The following MOSPD2 variants were observed in gnomAD, a reference collection of about 807,000 sequenced individuals.
The protein encoded by MOSPD2 is motile sperm domain-containing protein 2.
A neutral mutation model predicts 41.7 loss-of-function variants in MOSPD2; 5 were observed. The ratio of observed to expected loss-of-function variants is 0.12; its 90% confidence interval spans 0.06 to 0.25. The LOEUF is 0.25. Among genes scored for constraint, MOSPD2 ranks in the 10% least tolerant of loss-of-function variants. The pLI is 1.00. For missense variants in MOSPD2, 282 were observed against 375.2 expected, an observed-to-expected ratio of 0.75 and a Z score of 2.05; for synonymous variants, 115 against 126.9, an observed-to-expected ratio of 0.91 and a Z score of 0.63.
chrX:14,889,127 C>T (rs1051951510), intron 2 of MOSPD2, among the ~76,000 whole-genome samples: 5 of 111,018 alleles, frequency 4.5e-5, no homozygotes, highest in African/African-American at 1.3e-4. Context: ...AGGACACTGC[C>T]GCATGAAGCC....
intron 7 of MOSPD2, 103 bp from the exon 8 acceptor site, chrX:14,908,757 T>C: frequency 1.3e-6 from 1 of 766,118 alleles, no homozygotes; most frequent in Non-Finnish European, 1.8e-6. Flanking sequence ...ATTAACAGAT[T>C]ATAGCCCAAA....
rs188741781 is a variant in MOSPD2 at position 14,920,284 on chromosome X, C to T, written c.*475C>T. ...AGAACATGTATATTGAGAAAGAAAA[C>T]ATACTTATATAGAGGAATTTATGTA... On this transcript the variant is annotated 3_prime_UTR_variant, in exon 15 of 15. Coordinates refer to ENST00000380492, the MANE Select transcript of MOSPD2 (RefSeq NM_152581.4). 51 of 745,822 alleles carry T rather than the reference C, an allele frequency of 6.8e-5. No homozygotes were observed. The African/African-American group carries it at 1.1e-3, about 16-fold the overall frequency. The allele number at this position is 745,822 out of a possible 1,213,427, so 61.5% of individuals were successfully genotyped here. A position where few individuals can be genotyped will look rare whatever the true frequency, so the allele number is the denominator to read the frequency against.
At chrX:14,875,666 G>T (rs1027274910) in intron 2 of MOSPD2, among the ~76,000 whole-genome samples, 9 of 111,894 alleles carry the variant, frequency 8.0e-5, no homozygotes, top group Admixed American at 4.7e-4. Context: ...ACACTGCCTT[G>T]TGTTCCTCAA....
chrX:14,917,036 T>C (rs1021140919), intron 13 of MOSPD2, among the ~76,000 whole-genome samples: 2 of 112,460 alleles, frequency 1.8e-5, no homozygotes, highest in African/African-American at 6.5e-5. Context: ...TGTCAATGTC[T>C]GGAGACACTT....
At chrX:14,899,428 T>A (rs2092568627) in intron 5 of MOSPD2, among the ~76,000 whole-genome samples, 1 of 108,988 alleles carries the variant, frequency 9.2e-6, no homozygotes, top group Non-Finnish European at 1.9e-5. Flanking sequence ...CTGGTTCTTT[T>A]CAGCTATTTT....
At chrX:14,908,701 A>C (rs1228889142) in intron 7 of MOSPD2, among the ~76,000 whole-genome samples, 159 bp from the exon 8 acceptor site, 1 of 112,189 alleles carries the variant, frequency 8.9e-6, no homozygotes, top group Non-Finnish European at 1.9e-5. Context: ...GTAAACGCCT[A>C]CAGAAATTAG....
rs192034497 is a variant in MOSPD2 at position 14,916,972 on chromosome X, A to T, written c.1316+646A>T. Among the ~76,000 whole-genome samples, 565 of 112,467 alleles carry T rather than the reference A, an allele frequency of 5.0e-3. 4 individuals carry two copies. Among genetic ancestry groups the T allele is most frequent in the African/African-American group, 0.018 (544 of 30,973 alleles). On this transcript the variant is annotated intron_variant, in intron 13 of 14. Transcript: ENST00000380492. Reference sequence around the variant, plus strand: ...GCTGTATTGTAGTTTTGCTTTTTTTAAATTGGAATTATGGTTTATTGGAGT... The same window carrying T: ...GCTGTATTGTAGTTTTGCTTTTTTTTAATTGGAATTATGGTTTATTGGAGT...
intron 2 of MOSPD2, among the ~76,000 whole-genome samples, chrX:14,883,786 T>A (rs1339902364): frequency 9.0e-6 from 1 of 111,594 alleles, no homozygotes; most frequent in South Asian, 3.7e-4. Context: ...ATACATTTAA[T>A]CAAACTTCCA....
intron 8 of MOSPD2, among the ~76,000 whole-genome samples, chrX:14,909,714 T>C (rs1225557137): frequency 1.8e-5 from 2 of 111,901 alleles, no homozygotes; most frequent in Admixed American, 9.5e-5. Context: ...TTTTGCAATC[T>C]ATTTTTTATA....
intron 2 of MOSPD2, among the ~76,000 whole-genome samples, chrX:14,876,684 A>ACT (rs2147475840): frequency 8.9e-6 from 1 of 111,744 alleles, no homozygotes; most frequent in East Asian, 2.8e-4. Context: ...TTCCTTGAGT[A>ACT]CTCTTTATAT....
chrX:14,877,554 C>G (rs1159407576), intron 2 of MOSPD2, among the ~76,000 whole-genome samples: 1 of 109,638 alleles, frequency 9.1e-6, no homozygotes, highest in Admixed American at 9.5e-5. Flanking sequence ...GTTGGTCAGG[C>G]TAGTCTCGAA....
chrX:14,905,492 CT>C (rs774291795), intron 7 of MOSPD2, among the ~76,000 whole-genome samples: 2 of 108,185 alleles, frequency 1.8e-5, no homozygotes, highest in South Asian at 4.0e-4. Context: ...TCCTGTATAC[CT>C]TTTTTTTTGT....
At chrX:14,918,629 T>C in intron 13 of MOSPD2, 51 bp from the exon 14 acceptor site, 1 of 865,143 alleles carries the variant, frequency 1.2e-6, no homozygotes, top group Non-Finnish European at 1.6e-6. Context: ...ATTTTACTTT[T>C]ATAAGAAAAT....
intron 2 of MOSPD2, among the ~76,000 whole-genome samples, chrX:14,880,268 T>C (rs1206277794): frequency 9.0e-6 from 1 of 111,463 alleles, no homozygotes; most frequent in Non-Finnish European, 1.9e-5. Context: ...TTTGTTGTTG[T>C]TATTTAAATG....
chrX:14,894,232 G>T (rs2092558881), intron 3 of MOSPD2, among the ~76,000 whole-genome samples: 1 of 110,240 alleles, frequency 9.1e-6, no homozygotes, highest in African/African-American at 3.3e-5. Context: ...CCTGGGCTCA[G>T]GTGAGCCTCC....
intron 2 of MOSPD2, among the ~76,000 whole-genome samples, chrX:14,880,077 G>A (rs910563044): frequency 9.1e-6 from 1 of 110,080 alleles, no homozygotes; most frequent in African/African-American, 3.3e-5. Context: ...GTGGTATTAT[G>A]TTAAATCAGA....
intron 5 of MOSPD2, among the ~76,000 whole-genome samples, chrX:14,898,350 A>C (rs1156329302): frequency 1.8e-5 from 2 of 110,706 alleles, no homozygotes; most frequent in Admixed American, 1.9e-4. Context: ...ATACTATAAT[A>C]TGTATGTATT....
chrX:14,897,219 A>G lies in MOSPD2; in HGVS notation c.458A>G (p.Glu153Gly). The G allele has an allele frequency of 8.3e-7, 1 of 1,199,514 alleles. No homozygotes were observed. The highest frequency in any genetic ancestry group is 1.8e-5 in the South Asian group (1 of 54,686). Residue 153 changes from glutamate to glycine, a missense_variant, in exon 5 of 15, where the codon GAA (glutamate) becomes GGA (glycine). Physicochemically the swap from Glu to Gly is moderately conservative, Grantham distance 98 (BLOSUM62 -2). Around this residue, in one of 3 missense-constraint regions of MOSPD2, gnomAD observed 187 missense variants for 256.6 expected, o/e 0.73. Coordinates refer to ENST00000380492, the MANE Select transcript of MOSPD2 (RefSeq NM_152581.4). ...KPVTVMFDLS[E>G]TGINSIDMDF... Reference sequence around the variant, plus strand: ...GTAACAGTGATGTTTGACCTGTCAGAAACTGGAATAAATAGCATTGTAAGC... The same window carrying G: ...GTAACAGTGATGTTTGACCTGTCAGGAACTGGAATAAATAGCATTGTAAGC...
intron 10 of MOSPD2, among the ~76,000 whole-genome samples, chrX:14,913,225 CT>C (rs1461332817): frequency 1.8e-5 from 2 of 111,564 alleles, no homozygotes; most frequent in Admixed American, 9.5e-5. Flanking sequence ...TGTTTGTTTA[CT>C]TGTTCCCATT....
Sources: allele counts gnomAD v4.1 joint callset (sites outside exome capture counted in the v4.1 genomes callset), GRCh38; gene constraint gnomAD v4.1.1; regional missense constraint gnomAD v4.1.1; transcripts MANE v1.5; gene names NCBI Gene and HGNC (gene_info 2026-07-23, HGNC 2026-07-21).